The following CCDC102B variants were observed in gnomAD, a reference collection of about 807,000 sequenced individuals.
CCDC102B encodes the protein coiled-coil domain containing 102B.
A neutral mutation model predicts 57.4 loss-of-function variants in CCDC102B; 75 were observed. The ratio of observed to expected loss-of-function variants is 1.31; its 90% CI spans 1.08 to 1.58. The LOEUF (loss-of-function observed/expected upper bound fraction) is 1.58. CCDC102B is among the 40% of genes most tolerant of loss of function. The pLI, the probability that CCDC102B is intolerant of heterozygous loss-of-function variation, is 0.00. For synonymous variants in CCDC102B, 206 were observed against 201.9 expected (o/e 1.02, Z -0.17); for missense variants, 636 against 582.6 (o/e 1.09, Z -0.94).
chr18:68,920,912 C>A (rs984921351), intron 6 of CCDC102B, among the ~76,000 whole-genome samples: 3 of 152,122 alleles, frequency 2.0e-5, no homozygotes, highest in Non-Finnish European at 2.9e-5. Flanking sequence ...GAGGACACAG[C>A]CAAACCATAT....
intron 1 of CCDC102B, among the ~76,000 whole-genome samples, chr18:68,822,532 G>A (rs1321463699): frequency 2.0e-5 from 3 of 151,270 alleles, no homozygotes; most frequent in African/African-American, 7.3e-5. Flanking sequence ...TTTTTACAAC[G>A]CCTATTTTTA....
chr18:69,009,506 TA>T (rs1248931905), intron 6 of CCDC102B, among the ~76,000 whole-genome samples: 11 of 151,436 alleles, frequency 7.3e-5, no homozygotes, highest in Non-Finnish European at 1.5e-4. Context: ...ATACTGAATA[TA>T]TTTTTTTGTT....
intron 7 of CCDC102B, among the ~76,000 whole-genome samples, chr18:69,029,981 A>C (rs2052095529): frequency 6.6e-6 from 1 of 152,146 alleles, no homozygotes; most frequent in African/African-American, 2.4e-5. Context: ...CTGATTCTAT[A>C]ATTAGAAGTG....
chr18:69,004,569 C>A (rs1237979482), intron 6 of CCDC102B, among the ~76,000 whole-genome samples: 1 of 152,132 alleles, frequency 6.6e-6, no homozygotes, highest in African/African-American at 2.4e-5. Context: ...CTCAGAGGCA[C>A]AGGGCAGAAA....
At chr18:68,761,124 G>A (rs2034241642) in intron 2 of CCDC102B, among the ~76,000 whole-genome samples, 1 of 152,024 alleles carries the variant, frequency 6.6e-6, no homozygotes, top group African/African-American at 2.4e-5. Context: ...GTTTGAGCAC[G>A]AAGCTCATCA....
At position 68,936,559 on chromosome 18, in the gene CCDC102B, G is replaced by T. The variant is rs115086650; in HGVS notation, c.1263+39131G>T. Among the ~76,000 whole-genome samples the T allele has an allele frequency of 6.2e-3, 937 of 151,874 alleles. 9 individuals carry two copies. Among genetic ancestry groups the T allele is most frequent in the African/African-American group, 0.022 (896 of 41,436 alleles). On this transcript the variant is annotated intron_variant, in intron 6 of 7. Coordinates refer to ENST00000360242, the MANE Select transcript of CCDC102B (RefSeq NM_024781.3). ...TTGTATTACCTTTATTACTGCATTT[G>T]TTTTTAGAAACGGATGATTCCCTAA...
intron 2 of CCDC102B, among the ~76,000 whole-genome samples, chr18:68,765,700 T>C (rs566099846): frequency 7.2e-4 from 109 of 152,268 alleles, no homozygotes; most frequent in South Asian, 2.3e-3. Flanking sequence ...TGGAAAACAT[T>C]TGCATCACGG....
chr18:68,810,672 TTTTC>T, intron 1 of CCDC102B, among the ~76,000 whole-genome samples: 1 of 94,876 alleles, frequency 1.1e-5, no homozygotes, highest in South Asian at 3.8e-4. Flanking sequence ...TTTTCTTTTC[TTTTC>T]TTTGTTTTTT....
At chr18:69,008,520 G>A (rs1357516277) in intron 6 of CCDC102B, among the ~76,000 whole-genome samples, 1 of 152,166 alleles carries the variant, frequency 6.6e-6, no homozygotes, top group Non-Finnish European at 1.5e-5. Flanking sequence ...GGCAGGATTT[G>A]CAGGACAGAA....
At chr18:68,960,164 G>A (rs1331235756) in intron 6 of CCDC102B, among the ~76,000 whole-genome samples, 3 of 152,188 alleles carry the variant, frequency 2.0e-5, no homozygotes, top group Non-Finnish European at 4.4e-5. Flanking sequence ...ACTGCCTATC[G>A]CTGCTGATTA....
At chr18:69,019,994 A>T (rs943777886) in intron 7 of CCDC102B, among the ~76,000 whole-genome samples, 1 of 152,058 alleles carries the variant, frequency 6.6e-6, no homozygotes, top group African/African-American at 2.4e-5. Context: ...CATTCTGTTA[A>T]TGTGGTATAT....
chr18:69,014,075 C>T (rs1163065458), intron 7 of CCDC102B, among the ~76,000 whole-genome samples: 1 of 151,774 alleles, frequency 6.6e-6, no homozygotes, highest in East Asian at 1.9e-4. Flanking sequence ...GTAAGTAGCT[C>T]AAAGATAGAG....
At chr18:68,847,049 A>G (rs1031233638) in intron 4 of CCDC102B, among the ~76,000 whole-genome samples, 4 of 151,800 alleles carry the variant, frequency 2.6e-5, no homozygotes, top group Non-Finnish European at 5.9e-5. Flanking sequence ...TGTTATGTGT[A>G]TTAAAGCATG....
intron 2 of CCDC102B, among the ~76,000 whole-genome samples, chr18:68,758,430 A>T (rs544416700): frequency 3.1e-4 from 47 of 152,152 alleles, no homozygotes; most frequent in African/African-American, 1.1e-3. Context: ...TTTGAGAGTA[A>T]AGAATTATAA....
rs1253429218 is a variant in CCDC102B at position 68,837,012 on chromosome 18, C to CAG, written c.252_253dup (p.Ala85GlufsTer42). On this transcript the variant is annotated frameshift_variant, in exon 2 of 8. Coordinates refer to ENST00000360242, the MANE Select transcript of CCDC102B (RefSeq NM_024781.3). LOFTEE classifies it high-confidence loss of function. ...TGCGGGAGCTTGAAGAAGTCAAGGC[C>CAG]AGAGCTGCTCAGATGGAAAAGACCA... The CAG allele has an allele frequency of 1.2e-6, 2 of 1,614,120 alleles. No homozygotes were observed. The highest frequency in any genetic ancestry group is 2.7e-5 in the African/African-American group (2 of 75,036).
intron 7 of CCDC102B, among the ~76,000 whole-genome samples, chr18:69,043,375 C>T (rs182082591): frequency 6.6e-6 from 1 of 152,190 alleles, no homozygotes; most frequent in East Asian, 1.9e-4. Context: ...TCCTCTTATA[C>T]TAATCCTCCT....
intron 6 of CCDC102B, among the ~76,000 whole-genome samples, chr18:68,923,803 A>G (rs942943446): frequency 3.3e-5 from 5 of 152,104 alleles, no homozygotes; most frequent in Non-Finnish European, 4.4e-5. Context: ...CACAGATCAC[A>G]TTCCATCTGA....
intron 6 of CCDC102B, among the ~76,000 whole-genome samples, chr18:69,007,340 G>A (rs1444009750): frequency 6.6e-6 from 1 of 152,190 alleles, no homozygotes; most frequent in African/African-American, 2.4e-5. Context: ...AACCCCAGGT[G>A]TAAGCAGGAC....
In CCDC102B at chr18:68,823,806, A is replaced by G. The variant is rs546561609; in HGVS notation, c.-15-12943A>G. Among the ~76,000 whole-genome samples, 4 of 152,204 alleles carry G rather than the reference A, an allele frequency of 2.6e-5. No homozygotes were observed. The South Asian group carries it at 8.3e-4, about 32-fold the overall frequency. ...TTCGATTTGTATTTCCCTGATGGTT[A>G]GTGATAATGAGCATCTTTTCACATG... On this transcript the variant is annotated intron_variant, in intron 1 of 7. Transcript: ENST00000360242.
Sources: gnomAD v4.1 joint callset for allele counts (sites outside exome capture counted in the v4.1 genomes callset) on GRCh38, gnomAD v4.1.1 for gene constraint, MANE v1.5 for transcripts, NCBI Gene and HGNC (gene_info 2026-07-23, HGNC 2026-07-21) for gene names.